Variants in CACNG7 observed in about 807,000 individuals in gnomAD.
The protein encoded by CACNG7 is calcium voltage-gated channel auxiliary subunit gamma 7.
In CACNG7, 9 loss-of-function variants were observed where a neutral mutation model predicts 26.3. The observed-to-expected ratio is 0.34, with a 90% CI of 0.21 to 0.60. CACNG7 has a LOEUF of 0.60. Among genes scored for constraint, CACNG7 ranks in the 20% least tolerant of loss-of-function variants. CACNG7 has a pLI of 0.81. For missense variants in CACNG7, 297 were observed against 380.4 expected (o/e 0.78, Z 1.82); for synonymous variants, 170 against 157.0 (o/e 1.08, Z -0.62).
Position 53,921,395 on chromosome 19 carries a change from C to CCAGGTCTGGTCATTGGTGGAGTTGCCT in CACNG7, c.424+5916_424+5917insTCAGGTCTGGTCATTGGTGGAGTTGCC, listed in dbSNP as rs2068949986. Among the ~76,000 whole-genome samples, 8 of 129,956 alleles carry CCAGGTCTGGTCATTGGTGGAGTTGCCT rather than the reference C, an allele frequency of 6.2e-5. 4 individuals carry two copies. Among genetic ancestry groups the CCAGGTCTGGTCATTGGTGGAGTTGCCT allele is most frequent in the African/African-American group, 1.2e-4 (4 of 32,168 alleles). 85.3% of individuals were successfully genotyped at this position (129,956 alleles called of 152,430 possible). A position where few individuals can be genotyped will look rare whatever the true frequency, so the allele number is the denominator to read the frequency against. On this transcript the variant is annotated intron_variant, in intron 4 of 5. Coordinates refer to ENST00000391767, the MANE Select transcript of CACNG7 (RefSeq NM_031896.5). ...AGGTCTGGTCATTGGTGGAGTTGCC[C>CCAGGTCTGGTCATTGGTGGAGTTGCCT]CAGGTCTGGTCATTGGTGGAGTTGC... is the stretch of plus-strand genomic sequence containing the variant.
chr19:53,926,804 T>C (rs990027085), intron 4 of CACNG7, among the ~76,000 whole-genome samples: 2 of 152,040 alleles, frequency 1.3e-5, no homozygotes, highest in Admixed American at 6.6e-5. Flanking sequence ...TCCCAGCTAC[T>C]TGGGAGGCTG....
chr19:53,915,305 G>A lies in CACNG7; in HGVS notation c.284-60G>A. 5 of 1,312,010 alleles carry A rather than the reference G, an allele frequency of 3.8e-6. No individual in the cohort carries two copies. In the South Asian group the frequency reaches 4.8e-5, roughly 12 times the overall value. The allele number at this position is 1,312,010 out of a possible 1,614,324, so 81.3% of individuals were successfully genotyped here. The stretch of plus-strand genomic sequence containing the variant: ...GTGGTGAGAGCAGAGGTCAAGGAAT[G>A]GGGAAGTGTCCCACTGGAGATTCCC... On this transcript the variant is annotated intron_variant, in intron 3 of 5. Coordinates refer to ENST00000391767, the MANE Select transcript of CACNG7 (RefSeq NM_031896.5).
chr19:53,916,732 G>A (rs1378098093), intron 4 of CACNG7, among the ~76,000 whole-genome samples: 7 of 148,390 alleles, frequency 4.7e-5, no homozygotes, highest in South Asian at 2.1e-4. Flanking sequence ...ACTCCCGACC[G>A]CAGGTGATCT....
In CACNG7 at chr19:53,914,489, C is replaced by A. The variant is rs1239452042; in HGVS notation, c.197-11C>A. 6.2e-7 allele frequency: 1 copy of A among 1,613,130 alleles called. No individual in the cohort carries two copies. The highest frequency in any genetic ancestry group is 1.3e-5 in the African/African-American group (1 of 74,890). On this transcript the variant is annotated splice_polypyrimidine_tract_variant and intron_variant, in intron 2 of 5. Coordinates refer to ENST00000391767, the MANE Select transcript of CACNG7 (RefSeq NM_031896.5). ...CTCTCATCCAGCCCTGTCTGTTTCT[C>A]TTCCCCCCAGGTCGGGAGAAAGGTC...
At chr19:53,935,050 A>T (rs1266084487) in intron 4 of CACNG7, among the ~76,000 whole-genome samples, 5 of 151,914 alleles carry the variant, frequency 3.3e-5, no homozygotes, top group Admixed American at 3.3e-4. Flanking sequence ...TTACATATAC[A>T]TATATACCTA....
Position 53,942,142 on chromosome 19 carries a change from A to C in CACNG7, c.677A>C (p.Asp226Ala). Reference sequence around the variant, plus strand: ...CGCCCGCGTCTCAGCGACTGCTCCGACTACTCGGGCCAGTTCCTGCAGCCC... The same window carrying C: ...CGCCCGCGTCTCAGCGACTGCTCCGCCTACTCGGGCCAGTTCCTGCAGCCC... ...FYRPRLSDCS[D>A]YSGQFLQPEA... The change falls in exon 6 of 6, where the codon GAC becomes GCC. Residue 226 changes from aspartate (D) to alanine (A), a missense_variant. Coordinates refer to ENST00000391767, the MANE Select transcript of CACNG7 (RefSeq NM_031896.5). This position sits in a 1 kb window ranked among gnomAD's most constrained non-coding sequence, Gnocchi z 5.9. The C allele has an allele frequency of 1.2e-6, 2 of 1,613,924 alleles. No homozygotes were observed. Among genetic ancestry groups the C allele is most frequent in the Non-Finnish European group, 1.7e-6 (2 of 1,179,920 alleles).
intron 2 of CACNG7, among the ~76,000 whole-genome samples, chr19:53,914,273 C>CAAAAAAAAAAAAAAAAAAAAAAAAAA (rs376053657): frequency 2.8e-5 from 3 of 107,294 alleles, no homozygotes; most frequent in African/African-American, 8.9e-5. Flanking sequence ...GACTCCATCT[C>CAAAAAAAAAAAAAAAAAAAAAAAAAA]AAAAAAAAAA....
At position 53,940,455 on chromosome 19, in the gene CACNG7, G is replaced by C. The variant is rs779697089; in HGVS notation, c.425-1015G>C. 5.1e-4 allele frequency among the ~76,000 whole-genome samples: 77 copies of C among 152,072 alleles called. No individual in the cohort carries two copies. The highest frequency in any genetic ancestry group is 1.4e-3 in the Admixed American group (22 of 15,260). On this transcript the variant is annotated intron_variant, in intron 4 of 5. Transcript: ENST00000391767. This position sits in a 1 kb window ranked among gnomAD's most constrained non-coding sequence, Gnocchi z 4.1. ...CCTCATCCTCTTCGCCCTGGAATAT[G>C]TCTCCCTCCAGTCTGTTCCCAGCAT...
At chr19:53,921,476 C>G (rs2068951321) in intron 4 of CACNG7, among the ~76,000 whole-genome samples, 1 of 151,024 alleles carries the variant, frequency 6.6e-6, no homozygotes, top group African/African-American at 2.5e-5. Flanking sequence ...GAGTTGTCCC[C>G]AGGCCTGGTC....
chr19:53,930,691 A>G (rs182534482), intron 4 of CACNG7, among the ~76,000 whole-genome samples: 1 of 152,046 alleles, frequency 6.6e-6, no homozygotes, highest in Non-Finnish European at 1.5e-5. Context: ...TATTTTTAGT[A>G]GAGATGGTGT....
intron 4 of CACNG7, among the ~76,000 whole-genome samples, chr19:53,921,043 G>GT (rs575456884): frequency 1.3e-5 from 1 of 75,146 alleles, no homozygotes; most frequent in African/African-American, 8.8e-5. Context: ...TGGTGGAGTT[G>GT]CCCCAGGCCT....
At chr19:53,926,578 A>G (rs2145912074) in intron 4 of CACNG7, among the ~76,000 whole-genome samples, 1 of 152,050 alleles carries the variant, frequency 6.6e-6, no homozygotes. Flanking sequence ...CTGTTGTGCC[A>G]TTTGTTTTTT....
Position 53,937,568 on chromosome 19 carries a change from C to G in CACNG7, c.425-3902C>G, listed in dbSNP as rs554758099. ...GGGAGATCATAAAAGTCTCCTCCCC[C>G]CTTCCCTTCCCTCCCCTCCCCTCCC... On this transcript the variant is annotated intron_variant, in intron 4 of 5. Coordinates refer to ENST00000391767, the MANE Select transcript of CACNG7 (RefSeq NM_031896.5). Among the ~76,000 whole-genome samples, 17 of 90,006 alleles carry G rather than the reference C, an allele frequency of 1.9e-4. No individual in the cohort carries two copies. The East Asian group carries it at 2.1e-3, about 11-fold the overall frequency. 59.0% of individuals were successfully genotyped at this position (90,006 alleles called of 152,430 possible). A position where few individuals can be genotyped will look rare whatever the true frequency, so the allele number is the denominator to read the frequency against.
chr19:53,915,501 A>C lies in CACNG7; in HGVS notation c.420A>C (p.Leu140=), dbSNP rs371290517. The C allele has an allele frequency of 1.1e-5, 17 of 1,613,802 alleles. No homozygotes were observed. The highest frequency in any genetic ancestry group is 1.4e-5 in the Non-Finnish European group (16 of 1,179,904). Residue 140 remains leucine (L), a synonymous_variant, in exon 4 of 6, where the codon CTA becomes CTC. Coordinates refer to ENST00000391767, the MANE Select transcript of CACNG7 (RefSeq NM_031896.5). ...LAFVSGIFFI[L]SGLSLVVGLV... ...TTGTCTCTGGCATCTTCTTCATACT[A>C]TCGGGTGAGCCTAAGGACTTGGGGG...
intron 4 of CACNG7, among the ~76,000 whole-genome samples, chr19:53,917,747 A>G (rs2068907878): frequency 6.6e-6 from 1 of 152,192 alleles, no homozygotes; most frequent in African/African-American, 2.4e-5. Context: ...TAGCATGGGG[A>G]TTTTTATTCA....
At chr19:53,938,024 CT>C (rs1388819682) in intron 4 of CACNG7, among the ~76,000 whole-genome samples, 4 of 151,942 alleles carry the variant, frequency 2.6e-5, no homozygotes, top group African/African-American at 7.3e-5. Flanking sequence ...CAGAAGTGAG[CT>C]TGAGGAGTTC....
At chr19:53,923,735 T>TG (rs2068990439) in intron 4 of CACNG7, among the ~76,000 whole-genome samples, 1 of 129,190 alleles carries the variant, frequency 7.7e-6, no homozygotes, top group Non-Finnish European at 1.6e-5. Context: ...TTGGTGGAGT[T>TG]GCCCCAGGTC....
Position 53,912,091 on chromosome 19 carries a change from C to A in CACNG7, c.-29-712C>A, listed in dbSNP as rs969400816. Among the ~76,000 whole-genome samples the A allele has an allele frequency of 3.3e-5, 5 of 152,120 alleles. No individual in the cohort carries two copies. The highest frequency in any genetic ancestry group is 7.4e-5 in the Non-Finnish European group (5 of 68,022). ...AGGGCATGGAGTTAAGACTGGGTAG[C>A]CTGGGTTAGAGTTTCTGGCCAGCTC... On this transcript the variant is annotated intron_variant, in intron 1 of 5. Transcript: ENST00000391767. The surrounding 1 kb of genome is among the most constrained non-coding windows in gnomAD (Gnocchi z 4.6).
chr19:53,919,397 TCCCCAGGCCTGGTCATTGGTGGACTTG>T, intron 4 of CACNG7, among the ~76,000 whole-genome samples: 1 of 140,368 alleles, frequency 7.1e-6, no homozygotes, highest in East Asian at 2.4e-4. Context: ...GGTGGAGTTG[TCCCCAGGCCTGGTCATTGGTGGACTTG>T]CCCCAGGCTG....
Sources: allele counts gnomAD v4.1 joint callset (sites outside exome capture counted in the v4.1 genomes callset), GRCh38; gene constraint gnomAD v4.1.1; non-coding constraint Gnocchi (gnomAD v3.1); transcripts MANE v1.5; gene names NCBI Gene and HGNC (gene_info 2026-07-23, HGNC 2026-07-21).